EPHB2: variants seen among roughly 807,000 people sequenced by gnomAD.
EPHB2 encodes ephrin type-B receptor 2.
EPHB2 carries 18 observed loss-of-function variants against 96.4 expected under a neutral mutation model. That is an observed-to-expected ratio of 0.19 (90% CI 0.13 to 0.28). EPHB2 has a LOEUF of 0.28. EPHB2 is among the 10% of genes least tolerant of loss of function. EPHB2 has a pLI of 1.00. For synonymous variants in EPHB2, 506 were observed against 534.1 expected (o/e 0.95, Z 0.72); for missense variants, 989 against 1,355.4 (o/e 0.73, Z 4.25).
intron 3 of EPHB2, among the ~76,000 whole-genome samples, chr1:22,844,419 G>A (rs1645512391): frequency 6.6e-6 from 1 of 152,356 alleles, no homozygotes; most frequent in South Asian, 2.1e-4. Context: ...GCAGGGGCTG[G>A]CAGGAGACCC....
At chr1:22,852,797 C>T (rs932645883) in intron 3 of EPHB2, among the ~76,000 whole-genome samples, 2 of 152,214 alleles carry the variant, frequency 1.3e-5, no homozygotes, top group African/African-American at 2.4e-5. Context: ...CTCAGAGAGC[C>T]GTTATGGAGC....
At chr1:22,775,119 A>T in intron 1 of EPHB2, 1 of 765,094 alleles carries the variant, frequency 1.3e-6, no homozygotes, top group South Asian at 1.4e-5. Flanking sequence ...ACAAGCCCTG[A>T]TGACTTTGTT....
chr1:22,775,793 A>G (rs1389853199), intron 1 of EPHB2, among the ~76,000 whole-genome samples: 1 of 152,234 alleles, frequency 6.6e-6, no homozygotes, highest in African/African-American at 2.4e-5. Flanking sequence ...CTGTTTTCAC[A>G]CTGAGGAAGA....
chr1:22,909,633 A>T (rs913121046), intron 13 of EPHB2, among the ~76,000 whole-genome samples: 3 of 152,220 alleles, frequency 2.0e-5, no homozygotes, highest in Non-Finnish European at 2.9e-5. Context: ...GGGGTTCGAA[A>T]GGTCGCAGGA....
chr1:22,776,245 C>T (rs148731125), intron 1 of EPHB2, among the ~76,000 whole-genome samples: 296 of 152,296 alleles, frequency 1.9e-3, no homozygotes, highest in Non-Finnish European at 3.3e-3. Flanking sequence ...CTCTGCCTAG[C>T]GTGCCCCTCC....
intron 7 of EPHB2, among the ~76,000 whole-genome samples, chr1:22,894,714 A>T (rs1246592277): frequency 6.6e-6 from 1 of 152,118 alleles, no homozygotes; most frequent in Non-Finnish European, 1.5e-5. Flanking sequence ...GCATTCTTCC[A>T]ATTCAACTCC....
At chr1:22,721,094 T>C (rs760520174) in intron 1 of EPHB2, among the ~76,000 whole-genome samples, 35 of 152,154 alleles carry the variant, frequency 2.3e-4, no homozygotes, top group Non-Finnish European at 4.6e-4. Flanking sequence ...TGGTTGTCAC[T>C]CCCACCTTGG....
chr1:22,775,414 A>G (rs767664220), intron 1 of EPHB2, among the ~76,000 whole-genome samples: 3 of 152,242 alleles, frequency 2.0e-5, no homozygotes, highest in Non-Finnish European at 4.4e-5. Flanking sequence ...ACACTCACAT[A>G]CTGTCATTAG....
At chr1:22,711,498 C>G (rs1182887932) in intron 1 of EPHB2, among the ~76,000 whole-genome samples, 1 of 150,820 alleles carries the variant, frequency 6.6e-6, no homozygotes, top group African/African-American at 2.4e-5. Context: ...GGCACCGCGG[C>G]CGGCCGGGGT....
In EPHB2 at chr1:22,846,194, G is replaced by A. The variant is rs1042246686; in HGVS notation, c.812-16843G>A. On this transcript the variant is annotated intron_variant, in intron 3 of 15. Coordinates refer to ENST00000374630, the MANE Select transcript of EPHB2 (RefSeq NM_017449.5). The surrounding 1 kb of genome is among the most constrained non-coding windows in gnomAD (Gnocchi z 4.3). Reference sequence around the variant, plus strand: ...AGCAATTTGGGAGCCTGTGGCAGGCGGATCTCTTGGGTCAGGAGTTCGAGA... The same window carrying A: ...AGCAATTTGGGAGCCTGTGGCAGGCAGATCTCTTGGGTCAGGAGTTCGAGA... Among the ~76,000 whole-genome samples the A allele has an allele frequency of 1.3e-5, 2 of 152,136 alleles. No homozygotes were observed. Among genetic ancestry groups the A allele is most frequent in the Non-Finnish European group, 2.9e-5 (2 of 68,020 alleles).
At chr1:22,910,353 A>G (rs1448348012) in intron 13 of EPHB2, 29 bp from the exon 14 acceptor site, 1 of 1,613,990 alleles carries the variant, frequency 6.2e-7, no homozygotes, top group Non-Finnish European at 8.5e-7. Context: ...CCATCCACCC[A>G]ACCCCACTGC....
intron 3 of EPHB2, among the ~76,000 whole-genome samples, chr1:22,829,796 G>A (rs6687094): frequency 0.43 from 65,364 of 151,870 alleles, 14,303 homozygotes; most frequent in East Asian, 0.56. Flanking sequence ...ATTTGGCTCC[G>A]TAGGGATGAC....
At chr1:22,867,606 T>C (rs1298393887) in intron 5 of EPHB2, among the ~76,000 whole-genome samples, 1 of 152,170 alleles carries the variant, frequency 6.6e-6, no homozygotes, top group Non-Finnish European at 1.5e-5. Flanking sequence ...TCACAGTGGC[T>C]CATGCCTGTA....
intron 9 of EPHB2, among the ~76,000 whole-genome samples, chr1:22,905,053 G>T (rs1418596202): frequency 6.6e-6 from 1 of 152,216 alleles, no homozygotes; most frequent in Non-Finnish European, 1.5e-5. Context: ...GGGAGGTCTG[G>T]ATGTTGGAAG....
At chr1:22,892,242 G>T (rs540139267) in intron 6 of EPHB2, among the ~76,000 whole-genome samples, 2 of 152,206 alleles carry the variant, frequency 1.3e-5, no homozygotes, top group Admixed American at 6.5e-5. Context: ...GGGCAGGGAA[G>T]GGGATACAGA....
intron 1 of EPHB2, among the ~76,000 whole-genome samples, chr1:22,723,229 A>T (rs1643507885): frequency 6.6e-6 from 1 of 152,246 alleles, no homozygotes; most frequent in Non-Finnish European, 1.5e-5. Context: ...TCCCGCCTGA[A>T]TGGGGCTTCT....
intron 9 of EPHB2, among the ~76,000 whole-genome samples, chr1:22,899,711 G>C (rs995690939): frequency 1.2e-4 from 19 of 152,180 alleles, no homozygotes; most frequent in African/African-American, 4.3e-4. Context: ...AAAGGTCATA[G>C]GCCAGGTGCC....
At chr1:22,774,864 C>G (rs934207973) in intron 1 of EPHB2, among the ~76,000 whole-genome samples, 1 of 152,080 alleles carries the variant, frequency 6.6e-6, no homozygotes, top group Non-Finnish European at 1.5e-5. Flanking sequence ...ACATGTGGGC[C>G]CTGGGAGACA....
In EPHB2 at chr1:22,781,467, G is replaced by A. The variant is rs1644532008; in HGVS notation, c.108G>A (p.Met36Ile). Residue 36 changes from methionine (M) to isoleucine (I), a missense_variant, in exon 2 of 16, where the codon ATG becomes ATA. Transcript: ENST00000374630. ...CAGCGACTGCTGAGCTGGGCTGGAT[G>A]GTGCATCCTCCATCAGGGGTGAGTC... ...STTATAELGW[M>I]VHPPSGWEEV... The A allele has an allele frequency of 1.2e-6, 2 of 1,614,096 alleles. No homozygotes were observed. The highest frequency in any genetic ancestry group is 1.7e-6 in the Non-Finnish European group (2 of 1,179,996).
Sources: gnomAD v4.1 joint callset for allele counts (sites outside exome capture counted in the v4.1 genomes callset) on GRCh38, gnomAD v4.1.1 for gene constraint, Gnocchi (gnomAD v3.1) non-coding constraint, MANE v1.5 for transcripts, NCBI Gene and HGNC (gene_info 2026-07-23, HGNC 2026-07-21) for gene names.